Variants in PLCH2 observed in about 807,000 individuals in gnomAD.
PLCH2 encodes phospholipase C eta 2, also known as 1-phosphatidylinositol 4,5-bisphosphate phosphodiesterase eta-2.
A neutral mutation model predicts 134.7 loss-of-function variants in PLCH2; 98 were observed. The ratio of observed to expected loss-of-function variants is 0.73; its 90% CI spans 0.62 to 0.86. PLCH2 has a LOEUF of 0.86. Among genes scored for constraint, PLCH2 ranks in the 40% least tolerant of loss-of-function variants. The probability of loss-of-function intolerance (pLI) is 0.00; values close to 1 mark genes in which losing one functional copy is unlikely to be tolerated. For synonymous variants in PLCH2, 974 were observed against 827.5 expected (o/e 1.18, Z -3.04); for missense variants, 1,994 against 1,986.6 (o/e 1.00, Z -0.07).
intron 5 of PLCH2, 88 bp downstream of exon 5, chr1:2,484,706 T>C: frequency 7.0e-7 from 1 of 1,427,880 alleles, no homozygotes; most frequent in Non-Finnish European, 9.5e-7. Flanking sequence ...GGGACAGTGG[T>C]GATGGGGGAG....
chr1:2,472,349 C>T (rs1323243075), upstream of PLCH2, among the ~76,000 whole-genome samples: 1 of 152,230 alleles, frequency 6.6e-6, no homozygotes, highest in Non-Finnish European at 1.5e-5. Flanking sequence ...CTTCCTCCTC[C>T]CTCCCGTCCA....
rs1393734558 is a variant in PLCH2, at chr1:2,483,854, T to G, written c.646-594T>G. 3.7e-5 allele frequency among the ~76,000 whole-genome samples: 4 copies of G among 108,700 alleles called. 1 individual carries two copies. The highest frequency in any genetic ancestry group is 7.3e-5 in the Non-Finnish European group (4 of 54,948). The allele number at this position is 108,700 out of a possible 152,430, so 71.3% of individuals were successfully genotyped here. ...TGTGGGGGTGGCGCTGACCCCCGTGTGGGGTGGCGCTGACCCCCGTGTGGG... is the reference window on the plus strand; with the variant it reads ...TGTGGGGGTGGCGCTGACCCCCGTGGGGGGTGGCGCTGACCCCCGTGTGGG... On this transcript the variant is annotated intron_variant, in intron 4 of 21. Coordinates refer to ENST00000378486, the MANE Select transcript of PLCH2 (RefSeq NM_014638.4).
chr1:2,505,408 A>C lies in PLCH2; in HGVS notation c.*195A>C. ...AAGCTGCTGGCCCGGGGCCCACAGG[A>C]GGGGCTTCGAGGCTGGCCCTGCCAG... On this transcript the variant is annotated 3_prime_UTR_variant, in exon 22 of 22. Coordinates refer to ENST00000378486, the MANE Select transcript of PLCH2 (RefSeq NM_014638.4). The C allele has an allele frequency of 1.8e-6, 1 of 568,818 alleles. No individual in the cohort carries two copies. Among genetic ancestry groups the C allele is most frequent in the Non-Finnish European group, 3.1e-6 (1 of 324,840 alleles). The allele number at this position is 568,818 out of a possible 1,614,324, so 35.2% of individuals were successfully genotyped here.
intron 1 of PLCH2, 34 bp from the exon 2 acceptor site, chr1:2,478,442 C>T (rs760781315): frequency 1.2e-6 from 2 of 1,606,178 alleles, no homozygotes; most frequent in African/African-American, 1.3e-5. Flanking sequence ...AGTGGCTGTG[C>T]CTCCGCTGAC....
At chr1:2,466,459 G>A (rs1018226632), upstream of PLCH2, among the ~76,000 whole-genome samples, 5 of 152,226 alleles carry the variant, frequency 3.3e-5, no homozygotes, top group Admixed American at 6.5e-5. Context: ...GGTGGTGACT[G>A]CAGCTGCTGG....
upstream of PLCH2, among the ~76,000 whole-genome samples, chr1:2,472,938 AT>A (rs938491438): frequency 6.9e-6 from 1 of 145,640 alleles, no homozygotes; most frequent in African/African-American, 2.6e-5. Context: ...TGTGGGTGTG[AT>A]TTGTGGGTTT....
chr1:2,434,444 C>G (rs1456784019), intron 2 of PLCH2, among the ~76,000 whole-genome samples: 23 of 152,248 alleles, frequency 1.5e-4, no homozygotes, highest in Non-Finnish European at 1.6e-4. Context: ...TTATCTGTCT[C>G]CTCAGCTGTA....
rs1643008903 is a variant in PLCH2 at position 2,498,351 on chromosome 1, G to C, written c.2225-172G>C. 1.5e-6 allele frequency: 1 copy of C among 651,514 alleles called. No individual in the cohort carries two copies. The highest frequency in any genetic ancestry group is 2.6e-6 in the Non-Finnish European group (1 of 382,454). 40.4% of individuals were successfully genotyped at this position (651,514 alleles called of 1,614,324 possible). ...TAGCCACAAAGGTGATCCATACTGG[G>C]CCAGGTGCACCCCGAGGTGCCCCCC... On this transcript the variant is annotated intron_variant, in intron 16 of 21. Coordinates refer to ENST00000378486, the MANE Select transcript of PLCH2 (RefSeq NM_014638.4). This position sits in a 1 kb window ranked among gnomAD's most constrained non-coding sequence, Gnocchi z 5.4.
chr1:2,434,770 CT>C lies in PLCH2; in HGVS notation c.115+4142del, dbSNP rs796227587. 2.6e-5 allele frequency among the ~76,000 whole-genome samples: 4 copies of C among 152,242 alleles called. No individual in the cohort carries two copies. In the East Asian group the frequency reaches 7.7e-4, roughly 29 times the overall value. ...TGTCCCCACTCTGGGGCCATGCAAGCTCCTCTCCCTGGTGCCACGTGCACTG... is the reference window on the plus strand; with the variant it reads ...TGTCCCCACTCTGGGGCCATGCAAGCCCTCTCCCTGGTGCCACGTGCACTG... On this transcript the variant is annotated intron_variant, in intron 2 of 3. Transcript: ENST00000609981.
rs571220392 is a variant in PLCH2, at chr1:2,430,869, G to A, written c.115+240G>A. Among the ~76,000 whole-genome samples, 15 of 152,296 alleles carry A rather than the reference G, an allele frequency of 9.8e-5. 1 individual carries two copies. The South Asian group carries it at 1.5e-3, about 15-fold the overall frequency. On this transcript the variant is annotated intron_variant, in intron 2 of 3. Transcript: ENST00000609981. ...AAGAGCTCTCAGTGTGTGTCCCTTC[G>A]TGTGGGCAGAGAGGGGGTGGGTTCA... is the stretch of plus-strand genomic sequence containing the variant.
chr1:2,463,390 C>G (rs1172252558), upstream of PLCH2, among the ~76,000 whole-genome samples: 1 of 152,220 alleles, frequency 6.6e-6, no homozygotes, highest in Non-Finnish European at 1.5e-5. Flanking sequence ...TCGCTGTGTC[C>G]CCAGGTCGCC....
chr1:2,465,875 G>A (rs1026928476), upstream of PLCH2, among the ~76,000 whole-genome samples: 15 of 152,146 alleles, frequency 9.9e-5, no homozygotes, highest in Admixed American at 9.8e-4. Context: ...AGGCGTGGCT[G>A]GGTCGGGACC....
upstream of PLCH2, among the ~76,000 whole-genome samples, chr1:2,465,446 C>T (rs762834749): frequency 3.6e-4 from 55 of 152,242 alleles, no homozygotes; most frequent in African/African-American, 1.1e-3. Flanking sequence ...GGGGCTCTGG[C>T]GGGCTCACAG....
the PLCH2 span, among the ~76,000 whole-genome samples, chr1:2,420,418 G>A: frequency 6.6e-6 from 1 of 152,192 alleles, no homozygotes; most frequent in South Asian, 2.1e-4. Context: ...AAGGGGAGAA[G>A]GTCCAGGCAG....
chr1:2,449,389 G>C (rs2100550437), intron 2 of PLCH2, among the ~76,000 whole-genome samples: 1 of 152,346 alleles, frequency 6.6e-6, no homozygotes, highest in South Asian at 2.1e-4. Flanking sequence ...CTACTTGGGA[G>C]GCTGAGGCAG....
At chr1:2,494,801 C>A in intron 11 of PLCH2, 55 bp from the exon 12 acceptor site, 1 of 1,334,900 alleles carries the variant, frequency 7.5e-7, no homozygotes, top group East Asian at 2.4e-5. Flanking sequence ...GTCCCGGCCT[C>A]CCTGCCTGGT....
upstream of PLCH2, among the ~76,000 whole-genome samples, chr1:2,424,783 C>G (rs570853269): frequency 5.5e-4 from 84 of 152,196 alleles, no homozygotes; most frequent in Non-Finnish European, 1.0e-3. Context: ...GTCAGGAGAT[C>G]GAGACCATCC....
chr1:2,494,449 C>G (rs965089891), intron 11 of PLCH2: 10 of 313,036 alleles, frequency 3.2e-5, no homozygotes, highest in African/African-American at 1.5e-4. Context: ...GTGGAATGCT[C>G]GTAAAAGGGT....
chr1:2,504,056 C>T lies in PLCH2; in HGVS notation c.3094C>T (p.Pro1032Ser). 6.5e-7 allele frequency: 1 copy of T among 1,548,598 alleles called. No individual in the cohort carries two copies. The highest frequency in any genetic ancestry group is 8.7e-7 in the Non-Finnish European group (1 of 1,146,228). Residue 1032 changes from proline (P) to serine (S), a missense_variant, in exon 22 of 22, where the codon CCA becomes TCA. Pro to Ser is a moderately conservative substitution (Grantham distance 74). Around this residue, in one of 2 missense-constraint regions of PLCH2, gnomAD observed 900 missense variants for 752.3 expected, o/e 1.20. Transcript: ENST00000378486. ...CACCAGCTCTTCTCAGGGACGGCCC[C>T]CATACCCCACAGGACCCGGAGCCAA... ...VPTSSSQGRP[P>S]YPTGPGANVA...
Sources: allele counts gnomAD v4.1 joint callset (sites outside exome capture counted in the v4.1 genomes callset), GRCh38; gene constraint gnomAD v4.1.1; regional missense constraint gnomAD v4.1.1; non-coding constraint Gnocchi (gnomAD v3.1); transcripts MANE v1.5; gene names NCBI Gene and HGNC (gene_info 2026-07-23, HGNC 2026-07-21).